The following CCDC180 variants were observed in gnomAD, a reference collection of about 807,000 sequenced individuals.
CCDC180 encodes coiled-coil domain-containing protein 180.
A neutral mutation model predicts 209.2 loss-of-function variants in CCDC180; 154 were observed. The ratio of observed to expected loss-of-function variants is 0.74; its 90% CI spans 0.65 to 0.84. CCDC180 has a LOEUF of 0.84. Among genes scored for constraint, CCDC180 ranks in the 40% least tolerant of loss-of-function variants. The pLI is 0.00. For missense variants in CCDC180, 1,874 were observed against 1,997.3 expected (o/e 0.94, Z 1.18); for synonymous variants, 778 against 749.1 (o/e 1.04, Z -0.63).
chr9:97,307,931 G>T (rs1832848954), intron 1 of CCDC180, 52 bp from the exon 2 acceptor site: 1 of 1,578,746 alleles, frequency 6.3e-7, no homozygotes, highest in Admixed American at 1.8e-5. Flanking sequence ...GCCAGACGTC[G>T]TCCCGCCTGG....
At chr9:97,335,340 C>T (rs1007961647) in intron 18 of CCDC180, among the ~76,000 whole-genome samples, 4 of 152,130 alleles carry the variant, frequency 2.6e-5, no homozygotes, top group African/African-American at 9.7e-5. Flanking sequence ...TCCCCCACCC[C>T]ACAACAGGCC....
chr9:97,357,985 G>T, intron 25 of CCDC180: 1 of 355,470 alleles, frequency 2.8e-6, no homozygotes, highest in Non-Finnish European at 5.0e-6. Flanking sequence ...GCCTGAGTCT[G>T]GCTTCCTCTG....
chr9:97,340,120 G>A (rs1030578871), intron 18 of CCDC180, among the ~76,000 whole-genome samples: 4 of 152,010 alleles, frequency 2.6e-5, no homozygotes, highest in African/African-American at 7.3e-5. Context: ...CCTTTAGCTC[G>A]GAGAATTTTG....
In CCDC180 at chr9:97,307,826, T is replaced by G. The variant is rs1052575230; in HGVS notation, c.-82+20T>G. 3.7e-5 allele frequency: 60 copies of G among 1,614,006 alleles called. No homozygotes were observed. Among genetic ancestry groups the G allele is most frequent in the Non-Finnish European group, 5.0e-5 (59 of 1,179,940 alleles). ...TCTGAGGTTAGTTTCATCGTTTCGT[T>G]GAAAGTTAAAACCCTAAGTCGACGT... On this transcript the variant is annotated intron_variant, in intron 1 of 36. Transcript: ENST00000529487.
In CCDC180 at chr9:97,354,980, C is replaced by T. The variant is rs147875855; in HGVS notation, c.3236C>T (p.Thr1079Met). 173 of 1,612,868 alleles carry T rather than the reference C, an allele frequency of 1.1e-4. No individual in the cohort carries two copies. The highest frequency in any genetic ancestry group is 3.5e-4 in the Admixed American group (21 of 60,024). Residue 1079 changes from threonine to methionine, a missense_variant, in exon 24 of 37, where the codon ACG (threonine) becomes ATG (methionine). Transcript: ENST00000529487. ...ATAGAGAAAATCCAGCGGTTGCTGA[C>T]GAATCTGCAAGTGAAAATCAAGTGC... The part of the protein sequence containing the change: ...IFIEKIQRLL[T>M]NLQVKIKCQV...
At position 97,370,798 on chromosome 9, in the gene CCDC180, C is replaced by G; in HGVS notation, c.4488+20C>G. 1 of 1,612,532 alleles carries G rather than the reference C, an allele frequency of 6.2e-7. No individual in the cohort carries two copies. Among genetic ancestry groups the G allele is most frequent in the Non-Finnish European group, 8.5e-7 (1 of 1,179,332 alleles). On this transcript the variant is annotated intron_variant, in intron 33 of 36. Coordinates refer to ENST00000529487, the MANE Select transcript of CCDC180 (RefSeq NM_020893.6). ...CTGGAGGTCAGTGATACCATTGATT[C>G]GCCAGTCCAGGCATGCTCCAAATAT...
At chr9:97,370,852 A>G in intron 33 of CCDC180, 74 bp downstream of exon 33, 1 of 1,509,402 alleles carries the variant, frequency 6.6e-7, no homozygotes, top group Non-Finnish European at 9.0e-7. Context: ...TGACAGTGCC[A>G]GGTGCAGCCC....
chr9:97,354,522 CTCT>C (rs1826512709), intron 22 of CCDC180, 44 bp from the exon 23 acceptor site: 1 of 1,602,068 alleles, frequency 6.2e-7, no homozygotes, highest in East Asian at 2.2e-5. Context: ...TAGATGAGAA[CTCT>C]TAGGTCTGAT....
rs2118555764 is a variant in CCDC180 at position 97,314,848 on chromosome 9, TA to T, written c.700-2del. The T allele has an allele frequency of 6.2e-7, 1 of 1,613,438 alleles. No individual in the cohort carries two copies. Among genetic ancestry groups the T allele is most frequent in the East Asian group, 2.2e-5 (1 of 44,872 alleles). Reference sequence around the variant, plus strand: ...ACTAAGTATGGTGCCTTGTCATTTCTAGCTAAAAAGCGTGTTGAAGAAATAT... The same window carrying T: ...ACTAAGTATGGTGCCTTGTCATTTCTGCTAAAAAGCGTGTTGAAGAAATAT... On this transcript the variant is annotated splice_acceptor_variant, in intron 7 of 36. Transcript: ENST00000529487. LOFTEE classifies it high-confidence loss of function.
Position 97,330,731 on chromosome 9 carries a change from G to A in CCDC180, c.2238G>A (p.Glu746=), listed in dbSNP as rs376823792. 3.7e-6 allele frequency: 6 copies of A among 1,603,932 alleles called. No individual in the cohort carries two copies. The highest frequency in any genetic ancestry group is 5.1e-6 in the Non-Finnish European group (6 of 1,179,490). Residue 746 remains glutamate (E), a synonymous_variant, in exon 18 of 37, where the codon GAG becomes GAA. Coordinates refer to ENST00000529487, the MANE Select transcript of CCDC180 (RefSeq NM_020893.6). The part of the protein sequence containing the change: ...EKLEEEKEEK[E]AQEEQESLSV... ...TGGAGGAAGAGAAGGAGGAGAAGGAGGCACAGGAAGAGCAAGAGAGTTTAT... is the reference window on the plus strand; with the variant it reads ...TGGAGGAAGAGAAGGAGGAGAAGGAAGCACAGGAAGAGCAAGAGAGTTTAT...
chr9:97,350,431 C>G lies in CCDC180; in HGVS notation c.2878C>G (p.Leu960Val), dbSNP rs1167372026. The change falls in exon 22 of 37, where the codon CTG (leucine) becomes GTG (valine). Residue 960 changes from leucine to valine, a missense_variant. By Grantham distance (32) the Leu-to-Val change is conservative. Transcript: ENST00000529487. ...SQKLVTLSNTLHQELLSYVDV... is the reference protein window; with the variant it reads ...SQKLVTLSNTVHQELLSYVDV... ...CAGGCTGGTCACTCTCAGCAACACA[C>G]TGCACCAGGAGTTGCTTAGCTATGT... The G allele has an allele frequency of 6.5e-7, 1 of 1,535,816 alleles. No individual in the cohort carries two copies.
At position 97,366,357 on chromosome 9, in the gene CCDC180, A is replaced by T. The variant is rs1291388301; in HGVS notation, c.4048-202A>T. On this transcript the variant is annotated intron_variant, in intron 30 of 36. Transcript: ENST00000529487. This position sits in a 1 kb window ranked among gnomAD's most constrained non-coding sequence, Gnocchi z 4.3. ...ATTCAGGAAATAACGAGGGCTGGCC[A>T]TGGCTCCACTCACTCCAGGTGGGCC... is the stretch of plus-strand genomic sequence containing the variant. 2.0e-5 allele frequency among the ~76,000 whole-genome samples: 3 copies of T among 152,204 alleles called. No homozygotes were observed. The highest frequency in any genetic ancestry group is 2.9e-5 in the Non-Finnish European group (2 of 68,022).
chr9:97,321,256 CCCCA>C (rs1308845195), intron 11 of CCDC180, among the ~76,000 whole-genome samples: 19 of 152,304 alleles, frequency 1.2e-4, no homozygotes, highest in East Asian at 5.8e-4. Flanking sequence ...TGGGACATAA[CCCCA>C]TTGTAAATAA....
At chr9:97,313,748 T>G (rs958295943) in intron 5 of CCDC180, among the ~76,000 whole-genome samples, 12 of 152,350 alleles carry the variant, frequency 7.9e-5, no homozygotes, top group Non-Finnish European at 1.0e-4. Flanking sequence ...TGCTGGGCTC[T>G]TATGGACTGC....
At chr9:97,365,580 A>T in intron 29 of CCDC180, 93 bp from the exon 30 acceptor site, 1 of 1,172,112 alleles carries the variant, frequency 8.5e-7, no homozygotes. Flanking sequence ...CACGGCCAAA[A>T]CAGAGCACTT....
rs917211115 is a variant in CCDC180, at chr9:97,370,878, C to T, written c.4488+100C>T. ...GGTGCAGCCCTTTCTTGGTATCTTG[C>T]CCAAAGCAGGCATGATCGTGGTTGG... On this transcript the variant is annotated intron_variant, in intron 33 of 36. Transcript: ENST00000529487. 10 of 1,324,666 alleles carry T rather than the reference C, an allele frequency of 7.5e-6. No individual in the cohort carries two copies. In the African/African-American group the frequency reaches 1.5e-4, roughly 20 times the overall value. The allele number at this position is 1,324,666 out of a possible 1,614,324, so 82.1% of individuals were successfully genotyped here. A position where few individuals can be genotyped will look rare whatever the true frequency, so the allele number is the denominator to read the frequency against.
At chr9:97,318,325 G>A (rs572109585) in intron 9 of CCDC180, 138 bp from the exon 10 acceptor site, 1 of 950,030 alleles carries the variant, frequency 1.1e-6, no homozygotes, top group South Asian at 1.6e-5. Flanking sequence ...GGCAAAGTCT[G>A]GGGAGGAAGG....
At chr9:97,343,587 T>G in intron 19 of CCDC180, 24 bp downstream of exon 19, 2 of 1,494,768 alleles carry the variant, frequency 1.3e-6, no homozygotes, top group South Asian at 1.1e-5. Context: ...TATTTTATTC[T>G]CATCCTGTTG....
At chr9:97,323,956 C>A in intron 13 of CCDC180, 53 bp downstream of exon 13, 1 of 1,539,632 alleles carries the variant, frequency 6.5e-7, no homozygotes, top group South Asian at 1.2e-5. Context: ...TGGGGGTCCC[C>A]GGGGTTGCTG....
Sources: allele counts gnomAD v4.1 joint callset (sites outside exome capture counted in the v4.1 genomes callset), GRCh38; gene constraint gnomAD v4.1.1; non-coding constraint Gnocchi (gnomAD v3.1); transcripts MANE v1.5; gene names NCBI Gene and HGNC (gene_info 2026-07-23, HGNC 2026-07-21).